The following SYNE2 variants were observed in gnomAD, a reference collection of about 807,000 sequenced individuals.
The protein encoded by SYNE2 is nesprin-2.
Under a neutral mutation model 856.3 loss-of-function variants are expected in SYNE2, and 431 were observed. The observed-to-expected ratio is 0.50, with a 90% CI of 0.47 to 0.55. The LOEUF (loss-of-function observed/expected upper bound fraction) is 0.55. Among genes scored for constraint, SYNE2 ranks in the 20% least tolerant of loss-of-function variants. The pLI is 0.00. For missense variants in SYNE2, 8,129 were observed against 8,023.2 expected (o/e 1.01, Z -0.50); for synonymous variants, 2,923 against 2,872.3 (o/e 1.02, Z -0.56).
chr14:63,831,594 C>A, intron 1 of SYNE2, among the ~76,000 whole-genome samples: 1 of 114,288 alleles, frequency 8.7e-6, no homozygotes, highest in South Asian at 3.0e-4. Context: ...CTCACTCTGT[C>A]TCCCAGGCAG....
At chr14:63,823,134 A>G (rs1415420641) in intron 1 of SYNE2, among the ~76,000 whole-genome samples, 1 of 152,000 alleles carries the variant, frequency 6.6e-6, no homozygotes, top group East Asian at 1.9e-4. Flanking sequence ...GAAATCTCAT[A>G]ATTGAAAATC....
intron 51 of SYNE2, among the ~76,000 whole-genome samples, chr14:64,069,274 G>A (rs181016951): frequency 2.8e-4 from 33 of 116,514 alleles, no homozygotes; most frequent in Admixed American, 2.2e-3. Context: ...GTTTCCAGCA[G>A]GGGGACAGAA....
At position 64,159,369 on chromosome 14, in the gene SYNE2, A is replaced by T. The variant is rs765618751; in HGVS notation, c.16021A>T (p.Ile5341Phe). Residue 5341 changes from isoleucine to phenylalanine, a missense_variant, in exon 87 of 116, where the codon ATC becomes TTC. Ile to Phe is a conservative substitution (Grantham distance 21, BLOSUM62 0). Transcript: ENST00000555002. ...EGSWEKLQEV[I>F]GKLKGLCPSV... Reference sequence around the variant, plus strand: ...GAGTTGGGAGAAACTCCAGGAGGTTATCGGCAAACTCAAAGGTCTCTGCCC... The same window carrying T: ...GAGTTGGGAGAAACTCCAGGAGGTTTTCGGCAAACTCAAAGGTCTCTGCCC... The T allele has an allele frequency of 5.0e-6, 8 of 1,613,956 alleles. No individual in the cohort carries two copies. The African/African-American group carries it at 9.3e-5, about 19-fold the overall frequency.
chr14:64,132,140 T>C, intron 76 of SYNE2, 125 bp from the exon 77 acceptor site: 1 of 1,139,458 alleles, frequency 8.8e-7, no homozygotes. Context: ...TCAATTTGAC[T>C]CTACACGGAT....
chr14:63,964,771 G>A (rs1305708871), intron 10 of SYNE2, among the ~76,000 whole-genome samples: 1 of 151,862 alleles, frequency 6.6e-6, no homozygotes, highest in African/African-American at 2.4e-5. Context: ...TGATTCACCT[G>A]CCTCGGCCTC....
At chr14:63,856,147 T>C (rs1191166834) in intron 1 of SYNE2, among the ~76,000 whole-genome samples, 1 of 152,140 alleles carries the variant, frequency 6.6e-6, no homozygotes, top group Non-Finnish European at 1.5e-5. Flanking sequence ...CTGAGCACTG[T>C]CAAGTTAAGG....
chr14:64,021,765 G>A (rs2096937638), intron 36 of SYNE2, 92 bp from the exon 37 acceptor site: 2 of 1,407,508 alleles, frequency 1.4e-6, no homozygotes, highest in Non-Finnish European at 1.0e-6. Context: ...GAGAGTCATT[G>A]AGATTTTTAC....
At chr14:63,958,019 G>T (rs1459679760) in intron 8 of SYNE2, among the ~76,000 whole-genome samples, 1 of 151,778 alleles carries the variant, frequency 6.6e-6, no homozygotes, top group Non-Finnish European at 1.5e-5. Flanking sequence ...TGTAGCCTTG[G>T]CAACAGAGTG....
chr14:64,013,580 A>G (rs956270631), intron 32 of SYNE2, among the ~76,000 whole-genome samples: 1 of 152,074 alleles, frequency 6.6e-6, no homozygotes, highest in African/African-American at 2.4e-5. Context: ...ACCATGCGGC[A>G]TTTGACTTTC....
chr14:63,913,180 C>T (rs2095493660), intron 2 of SYNE2, among the ~76,000 whole-genome samples: 1 of 152,156 alleles, frequency 6.6e-6, no homozygotes, highest in South Asian at 2.1e-4. Context: ...AGTGATCCTC[C>T]TACCTCAGCC....
In SYNE2 at chr14:64,074,100, A is replaced by G. The variant is rs764020595; in HGVS notation, c.10830A>G (p.Ala3610=). 2 of 1,614,236 alleles carry G rather than the reference A, an allele frequency of 1.2e-6. No individual in the cohort carries two copies. The highest frequency in any genetic ancestry group is 1.6e-4 in the Middle Eastern group (1 of 6,062). The part of the protein sequence containing the change: ...QQTTTSFQNM[A]FQDHPEKSEQ... ...CCACAACTTCATTCCAAAATATGGC[A>G]TTCCAGGATCACCCAGAAAAGTCAG... Residue 3610 remains alanine (A), a synonymous_variant, in exon 53 of 116, where the codon GCA becomes GCG. Coordinates refer to ENST00000555002, the MANE Select transcript of SYNE2 (RefSeq NM_182914.3).
intron 17 of SYNE2, 94 bp from the exon 18 acceptor site, chr14:63,983,643 T>C (rs1032936842): frequency 1.9e-6 from 2 of 1,056,080 alleles, no homozygotes; most frequent in Non-Finnish European, 2.8e-6. Flanking sequence ...CCTAAACATA[T>C]ATTTGAATAT....
rs202052357 is a variant in SYNE2 at position 64,216,286 on chromosome 14, G to T, written c.19441G>T (p.Asp6481Tyr). Reference sequence around the variant, plus strand: ...GGATGGCCACTCGTGGCATGTTCCCGACAGCCCTTCCTGTCCCGAGCATCA... The same window carrying T: ...GGATGGCCACTCGTGGCATGTTCCCTACAGCCCTTCCTGTCCCGAGCATCA... ...ISDGHSWHVP[D>Y]SPSCPEHHYK... Residue 6481 changes from aspartate (D) to tyrosine (Y), a missense_variant, in exon 108 of 116, where the codon GAC becomes TAC. Asp to Tyr is a radical substitution (Grantham distance 160). Transcript: ENST00000555002. The T allele has an allele frequency of 1.4e-5, 22 of 1,614,012 alleles. No homozygotes were observed. Among genetic ancestry groups the T allele is most frequent in the Non-Finnish European group, 1.8e-5 (21 of 1,180,044 alleles).
intron 2 of SYNE2, among the ~76,000 whole-genome samples, chr14:63,939,378 C>T (rs1374123515): frequency 2.1e-5 from 3 of 140,664 alleles, no homozygotes; most frequent in East Asian, 2.1e-4. Context: ...GACGAAGTCT[C>T]GCATTGTCAC....
chr14:63,885,654 T>G (rs2094966234), intron 1 of SYNE2, among the ~76,000 whole-genome samples: 1 of 152,230 alleles, frequency 6.6e-6, no homozygotes, highest in Non-Finnish European at 1.5e-5. Flanking sequence ...TAGGCTGGAC[T>G]GCAGTGGCGT....
In SYNE2 at chr14:63,981,051, A is replaced by G; in HGVS notation, c.1714A>G (p.Lys572Glu). 1 of 1,590,418 alleles carries G rather than the reference A, an allele frequency of 6.3e-7. No homozygotes were observed. Among genetic ancestry groups the G allele is most frequent in the Non-Finnish European group, 8.6e-7 (1 of 1,159,004 alleles). Residue 572 changes from lysine to glutamate, a missense_variant, in exon 16 of 116, where the codon AAA (lysine) becomes GAA (glutamate). Physicochemically the swap from Lys to Glu is moderately conservative, Grantham distance 56. Around this residue, in one of 3 missense-constraint regions of SYNE2, gnomAD observed 2,422 missense variants for 2,357.4 expected, o/e 1.03. Transcript: ENST00000555002. ...MVKSDVCMYRKNIYNVKSTLQ... is the reference protein window; with the variant it reads ...MVKSDVCMYRENIYNVKSTLQ... ...GAAATCTGATGTTTGTATGTATAGAAAAAATATATATAATGTGAAGTCCAC... is the reference window on the plus strand; with the variant it reads ...GAAATCTGATGTTTGTATGTATAGAGAAAATATATATAATGTGAAGTCCAC...
rs2097994592 is a variant in SYNE2, at chr14:64,129,797, A to G, written c.14035A>G (p.Thr4679Ala). The part of the protein sequence containing the change: ...AEQLQKADAY[T>A]VELENAESRV... ...TCTCACTTAGAAAGCAGATGCATAT[A>G]CAGTGGAGCTGGAGAACGCCGAGAG... Residue 4679 changes from threonine to alanine, a missense_variant, in exon 75 of 116, where the codon ACA (threonine) becomes GCA (alanine). By Grantham distance (58) the Thr-to-Ala change is moderately conservative. Transcript: ENST00000555002. 1 of 1,614,194 alleles carries G rather than the reference A, an allele frequency of 6.2e-7. No individual in the cohort carries two copies.
intron 10 of SYNE2, among the ~76,000 whole-genome samples, chr14:63,965,980 A>G (rs1289234528): frequency 1.3e-5 from 2 of 152,228 alleles, no homozygotes; most frequent in Non-Finnish European, 2.9e-5. Context: ...TTATGAAGTC[A>G]TTAATTATCA....
At chr14:64,204,346 CTG>C (rs575567362) in intron 100 of SYNE2, 123 of 152,280 alleles carry the variant, frequency 8.1e-4, no homozygotes, top group African/African-American at 2.8e-3. Flanking sequence ...TTTGAACAGA[CTG>C]TGAAAAGGCA....
Sources: allele counts gnomAD v4.1 joint callset (sites outside exome capture counted in the v4.1 genomes callset), GRCh38; gene constraint gnomAD v4.1.1; regional missense constraint gnomAD v4.1.1; transcripts MANE v1.5; gene names NCBI Gene and HGNC (gene_info 2026-07-23, HGNC 2026-07-21).